BMAL2: variants seen among roughly 807,000 people sequenced by gnomAD.
BMAL2 encodes the protein basic helix-loop-helix ARNT like 2.
At chr12:27,385,871 C>T in the BMAL2 span, among the ~76,000 whole-genome samples, 3 of 151,950 alleles carry the variant, frequency 2.0e-5, no homozygotes, top group Non-Finnish European at 2.9e-5. Context: ...CCTTCAAAGC[C>T]GTCTGCCTGG....
At chr12:27,400,747 A>G in the BMAL2 span, 2 of 1,611,462 alleles carry the variant, frequency 1.2e-6, no homozygotes, top group African/African-American at 1.3e-5. Context: ...TTTGCAGTGA[A>G]TGGAAAATTT....
the BMAL2 span, chr12:27,418,129 G>T: frequency 3.1e-6 from 5 of 1,613,038 alleles, no homozygotes; most frequent in South Asian, 4.4e-5. Flanking sequence ...CTTCTGAAAT[G>T]GGGGAGCTAG....
chr12:27,337,383 G>A, the BMAL2 span, among the ~76,000 whole-genome samples: 3 of 151,846 alleles, frequency 2.0e-5, no homozygotes, highest in African/African-American at 7.3e-5. Context: ...GGAAAGTAGA[G>A]AATCATCTAC....
chr12:27,373,053 AC>A, the BMAL2 span, among the ~76,000 whole-genome samples: 5 of 152,086 alleles, frequency 3.3e-5, no homozygotes, highest in Non-Finnish European at 7.4e-5. Context: ...TCAAAGAATC[AC>A]CCTGGAAACA....
chr12:27,368,197 T>A, the BMAL2 span: 10 of 1,558,478 alleles, frequency 6.4e-6, no homozygotes, highest in African/African-American at 1.4e-5. Flanking sequence ...ATGTGTGATA[T>A]GGATATGTAC....
the BMAL2 span, among the ~76,000 whole-genome samples, chr12:27,411,407 AG>A: frequency 2.9e-4 from 44 of 152,164 alleles, no homozygotes. Flanking sequence ...ACTTGAGGCT[AG>A]GAGTTCAAGA....
At chr12:27,420,755 G>T in the BMAL2 span, 2 of 407,908 alleles carry the variant, frequency 4.9e-6, no homozygotes, top group South Asian at 2.1e-4. Context: ...CAGTGAAATG[G>T]CTTATAATCC....
the BMAL2 span, among the ~76,000 whole-genome samples, chr12:27,393,237 T>C: frequency 6.6e-6 from 1 of 152,338 alleles, no homozygotes; most frequent in Non-Finnish European, 1.5e-5. Flanking sequence ...AAATCCACTA[T>C]CACCATTTGA....
the BMAL2 span, chr12:27,400,512 T>C: frequency 6.5e-7 from 1 of 1,534,008 alleles, no homozygotes; most frequent in Non-Finnish European, 8.8e-7. Flanking sequence ...CCAAATGTCC[T>C]TTTTAAAAAT....
At chr12:27,417,789 C>T in the BMAL2 span, among the ~76,000 whole-genome samples, 2 of 151,748 alleles carry the variant, frequency 1.3e-5, no homozygotes, top group East Asian at 1.9e-4. Context: ...GTCAGGAGAT[C>T]GAGACCATCC....
the BMAL2 span, among the ~76,000 whole-genome samples, chr12:27,349,417 AG>A: frequency 1.3e-5 from 2 of 152,258 alleles, no homozygotes; most frequent in African/African-American, 4.8e-5. Context: ...CAGAAGAGGA[AG>A]GAAAAATTTA....
the BMAL2 span, among the ~76,000 whole-genome samples, chr12:27,364,572 T>TACAAGTCTTGATATCTGATAGG: frequency 2.0e-5 from 3 of 152,174 alleles, no homozygotes; most frequent in African/African-American, 7.2e-5. Context: ...ACTGTGTCTT[T>TACAAGTCTTGATATCTGATAGG]ACAAGTCTTG....
At chr12:27,361,458 T>C in the BMAL2 span, among the ~76,000 whole-genome samples, 3 of 152,182 alleles carry the variant, frequency 2.0e-5, no homozygotes, top group African/African-American at 7.2e-5. Flanking sequence ...TTTTATTGAG[T>C]GTTAAAGAAC....
chr12:27,389,494 A>G, the BMAL2 span, among the ~76,000 whole-genome samples: 6 of 152,188 alleles, frequency 3.9e-5, no homozygotes, highest in African/African-American at 1.4e-4. Flanking sequence ...TACAAACACA[A>G]ATTCATTGAT....
chr12:27,342,237 C>T, the BMAL2 span, among the ~76,000 whole-genome samples: 1 of 152,206 alleles, frequency 6.6e-6, no homozygotes, highest in Non-Finnish European at 1.5e-5. Context: ...TGCACCCAGC[C>T]AGTTGTTCTT....
the BMAL2 span, among the ~76,000 whole-genome samples, chr12:27,333,468 G>A: frequency 6.6e-6 from 1 of 152,252 alleles, no homozygotes; most frequent in Non-Finnish European, 1.5e-5. Context: ...CTGGGCGCCC[G>A]CGTCGGCGTC....
chr12:27,403,810 T>A, the BMAL2 span, among the ~76,000 whole-genome samples: 4 of 152,068 alleles, frequency 2.6e-5, no homozygotes, highest in African/African-American at 7.2e-5. Flanking sequence ...GAAGGCAGAA[T>A]TGTAAGAATT....
chr12:27,351,028 A>G, the BMAL2 span, among the ~76,000 whole-genome samples: 1 of 113,472 alleles, frequency 8.8e-6, no homozygotes, highest in African/African-American at 3.4e-5. Flanking sequence ...TTGCTCTGTC[A>G]TCCAGGCTGC....
the BMAL2 span, chr12:27,401,623 A>G: frequency 1.7e-5 from 28 of 1,611,144 alleles, no homozygotes; most frequent in Non-Finnish European, 2.4e-5. Flanking sequence ...AGTTTCACAA[A>G]TCCTTGGACA....
Sources: allele counts gnomAD v4.1 joint callset (sites outside exome capture counted in the v4.1 genomes callset), GRCh38; gene constraint gnomAD v4.1.1; transcripts MANE v1.5; gene names NCBI Gene and HGNC (gene_info 2026-07-23, HGNC 2026-07-21).